BCAR3: variants seen among roughly 807,000 people sequenced by gnomAD.
BCAR3 encodes the protein breast cancer anti-estrogen resistance protein 3.
In BCAR3, 37 loss-of-function variants were observed where a neutral mutation model predicts 80.1. The ratio of observed to expected loss-of-function variants is 0.46; its 90% CI spans 0.36 to 0.61. The LOEUF (loss-of-function observed/expected upper bound fraction) is 0.61, where lower values mean the gene tolerates loss of function less well. Among genes scored for constraint, BCAR3 ranks in the 20% least tolerant of loss-of-function variants. The pLI is 0.00. For synonymous variants in BCAR3, 389 were observed against 418.9 expected (o/e 0.93, Z 0.87); for missense variants, 978 against 1,068.2 (o/e 0.92, Z 1.18).
chr1:93,693,893 C>A (rs142048123), intron 3 of BCAR3, among the ~76,000 whole-genome samples: 1 of 152,216 alleles, frequency 6.6e-6, no homozygotes, highest in Non-Finnish European at 1.5e-5. Context: ...GTGGTCTCCA[C>A]CACCAAGGCT....
intron 5 of BCAR3, among the ~76,000 whole-genome samples, chr1:93,587,918 CAA>C (rs1005287286): frequency 1.3e-5 from 2 of 151,978 alleles, no homozygotes; most frequent in African/African-American, 2.4e-5. Context: ...AAATGCAGGC[CAA>C]CGTCGCTGAC....
chr1:93,754,847 T>TA (rs1557677147), intron 2 of BCAR3, among the ~76,000 whole-genome samples: 1 of 152,000 alleles, frequency 6.6e-6, no homozygotes, highest in Non-Finnish European at 1.5e-5. Flanking sequence ...GTACCCCTAC[T>TA]AAAAAAAAGT....
intron 2 of BCAR3, among the ~76,000 whole-genome samples, chr1:93,724,670 G>T (rs375262666): frequency 6.6e-6 from 1 of 152,126 alleles, no homozygotes; most frequent in Non-Finnish European, 1.5e-5. Flanking sequence ...TCTGGGAAAG[G>T]TCCCATCTAG....
intron 2 of BCAR3, among the ~76,000 whole-genome samples, chr1:93,721,879 C>A (rs1388608840): frequency 6.6e-6 from 1 of 152,202 alleles, no homozygotes; most frequent in Non-Finnish European, 1.5e-5. Flanking sequence ...TAGGAGATTG[C>A]CAGAGTGCCT....
At chr1:93,730,072 A>AT (rs966119451) in intron 2 of BCAR3, among the ~76,000 whole-genome samples, 17 of 152,152 alleles carry the variant, frequency 1.1e-4, no homozygotes, top group Middle Eastern at 3.4e-3. Flanking sequence ...TTATCATGTG[A>AT]TTTTTTTCCC....
intron 3 of BCAR3, among the ~76,000 whole-genome samples, chr1:93,612,431 T>C (rs954269365): frequency 6.6e-6 from 1 of 152,110 alleles, no homozygotes; most frequent in African/African-American, 2.4e-5. Flanking sequence ...CTATATATTA[T>C]GTAGCCTTGG....
At chr1:93,674,205 G>A (rs552262044) in intron 2 of BCAR3, among the ~76,000 whole-genome samples, 8 of 152,286 alleles carry the variant, frequency 5.3e-5, no homozygotes, top group African/African-American at 1.9e-4. Context: ...TGTTGGAGCC[G>A]GCTGACAGGT....
chr1:93,731,344 A>T (rs1221068311), intron 2 of BCAR3, among the ~76,000 whole-genome samples: 1 of 152,266 alleles, frequency 6.6e-6, no homozygotes, highest in African/African-American at 2.4e-5. Flanking sequence ...ATAACAGGTT[A>T]ACAACAGGGA....
At chr1:93,624,090 T>C (rs1296038005) in intron 3 of BCAR3, among the ~76,000 whole-genome samples, 1 of 152,176 alleles carries the variant, frequency 6.6e-6, no homozygotes, top group Non-Finnish European at 1.5e-5. Flanking sequence ...ACTGTGCCAC[T>C]GGTGTAGGGG....
In BCAR3 at chr1:93,586,793, T is replaced by C. The variant is rs970555326; in HGVS notation, c.929+2184A>G. Among the ~76,000 whole-genome samples, 2 of 152,254 alleles carry C rather than the reference T, an allele frequency of 1.3e-5. No individual in the cohort carries two copies. The highest frequency in any genetic ancestry group is 4.8e-5 in the African/African-American group (2 of 41,466). The stretch of plus-strand genomic sequence containing the variant: ...ATAGTTTTGATTTGCATTTCTCTGA[T>C]GACCAATCATGTTGAACACCTTTTC... On this transcript the variant is annotated intron_variant, in intron 5 of 11. Transcript: ENST00000260502. The surrounding 1 kb of genome is among the most constrained non-coding windows in gnomAD (Gnocchi z 4.2).
intron 2 of BCAR3, among the ~76,000 whole-genome samples, chr1:93,841,475 G>C (rs920336680): frequency 4.6e-5 from 7 of 152,316 alleles, no homozygotes; most frequent in African/African-American, 1.4e-4. Flanking sequence ...AGCAGAGACA[G>C]GTAACTGCCA....
Position 93,567,747 on chromosome 1 carries a change from T to C in BCAR3, c.2079A>G (p.Glu693=). Reference sequence around the variant, plus strand: ...CTCTGCCCACGTGCTCACCTCTGCCTTCATGCAGGAGTTTGCTGAAGGGCT... The same window carrying C: ...CTCTGCCCACGTGCTCACCTCTGCCCTCATGCAGGAGTTTGCTGAAGGGCT... ...QLKPFSKLLH[E]GRESTCVPPN... is the part of the protein sequence containing the mutation. The change falls in exon 10 of 12, where the codon GAA becomes GAG. Residue 693 remains glutamate (E), a synonymous_variant. Transcript: ENST00000260502. The C allele has an allele frequency of 1.9e-6, 3 of 1,613,894 alleles. No individual in the cohort carries two copies. The highest frequency in any genetic ancestry group is 2.5e-6 in the Non-Finnish European group (3 of 1,179,774).
At chr1:93,746,539 A>C (rs565925678) in intron 2 of BCAR3, among the ~76,000 whole-genome samples, 1 of 152,186 alleles carries the variant, frequency 6.6e-6, no homozygotes, top group Non-Finnish European at 1.5e-5. Flanking sequence ...GGGAGAGGCC[A>C]TTATTAAATT....
intron 3 of BCAR3, among the ~76,000 whole-genome samples, chr1:93,692,066 T>C (rs535374585): frequency 6.6e-6 from 1 of 152,340 alleles, no homozygotes; most frequent in East Asian, 1.9e-4. Flanking sequence ...GGTGCTATGA[T>C]AAAGACAATC....
intron 1 of BCAR3, among the ~76,000 whole-genome samples, chr1:93,677,263 G>A (rs1050360970): frequency 2.0e-5 from 3 of 152,212 alleles, no homozygotes; most frequent in East Asian, 1.9e-4. Flanking sequence ...AAGCCTCCCG[G>A]GAGGATGGCA....
Position 93,592,626 on chromosome 1 carries a change from G to C in BCAR3, c.358-233C>G. The C allele has an allele frequency of 2.2e-6, 1 of 451,268 alleles. No homozygotes were observed. Among genetic ancestry groups the C allele is most frequent in the Non-Finnish European group, 3.9e-6 (1 of 258,498 alleles). The allele number at this position is 451,268 out of a possible 1,614,324, so 28.0% of individuals were successfully genotyped here. A position where few individuals can be genotyped will look rare whatever the true frequency, so the allele number is the denominator to read the frequency against. ...CTATGGTAGGAGAGTCCACCAAGAG[G>C]TTCCTTTTACCAGTCTACTCAAGCA... On this transcript the variant is annotated intron_variant, in intron 3 of 11. Transcript: ENST00000260502. This position sits in a 1 kb window ranked among gnomAD's most constrained non-coding sequence, Gnocchi z 4.8.
intron 2 of BCAR3, among the ~76,000 whole-genome samples, chr1:93,724,123 G>C (rs1342534063): frequency 1.3e-5 from 2 of 152,202 alleles, no homozygotes; most frequent in African/African-American, 4.8e-5. Flanking sequence ...CTGAGCTGCA[G>C]CCTGTGCTTG....
At chr1:93,603,132 A>C (rs1426452072) in intron 3 of BCAR3, among the ~76,000 whole-genome samples, 2 of 152,284 alleles carry the variant, frequency 1.3e-5, no homozygotes. Context: ...ATTTACTTAA[A>C]TAATTAACTT....
At chr1:93,767,105 T>C (rs1000608538) in intron 2 of BCAR3, among the ~76,000 whole-genome samples, 1 of 152,192 alleles carries the variant, frequency 6.6e-6, no homozygotes, top group Admixed American at 6.5e-5. Context: ...TTTTTGAATC[T>C]GGTACGAGAC....
Sources: gnomAD v4.1 joint callset for allele counts (sites outside exome capture counted in the v4.1 genomes callset) on GRCh38, gnomAD v4.1.1 for gene constraint, Gnocchi (gnomAD v3.1) non-coding constraint, MANE v1.5 for transcripts, NCBI Gene and HGNC (gene_info 2026-07-23, HGNC 2026-07-21) for gene names.